Variants in LRP1B observed in about 807,000 individuals in gnomAD.
LRP1B encodes low-density lipoprotein receptor-related protein 1B.
A neutral mutation model predicts 556.6 loss-of-function variants in LRP1B; 217 were observed. The observed-to-expected ratio is 0.39, with a 90% CI of 0.35 to 0.44. The LOEUF (loss-of-function observed/expected upper bound fraction) is 0.44, where lower values mean the gene tolerates loss of function less well. Among genes scored for constraint, LRP1B ranks in the 20% least tolerant of loss-of-function variants. The pLI is 1.00. For synonymous variants in LRP1B, 2,047 were observed against 1,865.8 expected, an observed-to-expected ratio of 1.10 and a Z score of -2.50; for missense variants, 5,053 against 5,620.8, an observed-to-expected ratio of 0.90 and a Z score of 3.23.
chr2:141,291,453 A>G (rs16845754), intron 3 of LRP1B, among the ~76,000 whole-genome samples: 4,698 of 152,126 alleles, frequency 0.031, 275 homozygotes, highest in African/African-American at 0.11. Context: ...AATGTTCTCT[A>G]GCTTTTGTAA....
At chr2:142,002,535 A>G (rs570511364) in intron 1 of LRP1B, among the ~76,000 whole-genome samples, 4 of 151,192 alleles carry the variant, frequency 2.6e-5, no homozygotes, top group South Asian at 4.2e-4. Context: ...TCTATCTAGT[A>G]TGGGAGATTT....
intron 2 of LRP1B, among the ~76,000 whole-genome samples, chr2:141,706,269 T>C (rs1407887442): frequency 6.6e-6 from 1 of 152,104 alleles, no homozygotes; most frequent in Admixed American, 6.6e-5. Flanking sequence ...GCTCATGCTG[T>C]GCCTTTTGAT....
intron 27 of LRP1B, among the ~76,000 whole-genome samples, chr2:140,862,246 G>A (rs994326106): frequency 3.3e-5 from 5 of 152,046 alleles, no homozygotes; most frequent in African/African-American, 1.2e-4. Flanking sequence ...TGGCCGGTGA[G>A]CAACTTGTTT....
Position 140,500,696 on chromosome 2 carries a change from C to G in LRP1B, c.8850+991G>C, listed in dbSNP as rs145577141. ...ATACAGCTAGCAAATCGTCTTTGCT[C>G]TAAGCAAAACTTCTTCTGAAGATGT... On this transcript the variant is annotated intron_variant, in intron 55 of 90. Transcript: ENST00000389484. Among the ~76,000 whole-genome samples the G allele has an allele frequency of 1.5e-3, 228 of 152,104 alleles. 1 individual carries two copies. The East Asian group carries it at 0.015, about 10-fold the overall frequency.
rs564405883 is a variant in LRP1B, at chr2:140,233,066, C to T, written c.*120G>A. On this transcript the variant is annotated 3_prime_UTR_variant, in exon 91 of 91. Coordinates refer to ENST00000389484, the MANE Select transcript of LRP1B (RefSeq NM_018557.3). ...CCCAAAAAACTCAGAAAACAATTAA[C>T]CAGGAAAAAGATAAAGAAAGAGGTA... 4 of 598,254 alleles carry T rather than the reference C, an allele frequency of 6.7e-6. No individual in the cohort carries two copies. Among genetic ancestry groups the T allele is most frequent in the South Asian group, 4.8e-5 (1 of 20,944 alleles). 37.1% of individuals were successfully genotyped at this position (598,254 alleles called of 1,614,324 possible).
intron 2 of LRP1B, among the ~76,000 whole-genome samples, chr2:141,802,031 G>T (rs1321533639): frequency 6.6e-6 from 1 of 152,058 alleles, no homozygotes. Flanking sequence ...AATCTACAAG[G>T]TTGGTTTCCT....
intron 29 of LRP1B, among the ~76,000 whole-genome samples, chr2:140,849,046 G>T (rs1167362584): frequency 3.3e-5 from 5 of 151,842 alleles, no homozygotes; most frequent in Non-Finnish European, 7.4e-5. Flanking sequence ...GCAAAGGGAA[G>T]TTGCTTATAA....
intron 4 of LRP1B, among the ~76,000 whole-genome samples, chr2:141,251,413 AAAG>A (rs1452707562): frequency 6.6e-6 from 1 of 152,146 alleles, no homozygotes; most frequent in East Asian, 1.9e-4. Flanking sequence ...TGTGGATAAT[AAAG>A]GAGGAGGGGA....
chr2:141,997,078 T>G (rs1226705220), intron 1 of LRP1B, among the ~76,000 whole-genome samples: 2 of 152,222 alleles, frequency 1.3e-5, no homozygotes, highest in Middle Eastern at 3.4e-3. Flanking sequence ...CCAAGTGGGC[T>G]TAGAAAACTG....
intron 63 of LRP1B, among the ~76,000 whole-genome samples, chr2:140,447,725 A>G (rs554017912): frequency 1.6e-3 from 239 of 152,284 alleles, no homozygotes; most frequent in African/African-American, 5.5e-3. Context: ...CTTTTGGTAT[A>G]TCTTGTGTTT....
At chr2:141,454,746 G>A (rs1270477721) in intron 3 of LRP1B, among the ~76,000 whole-genome samples, 1 of 152,086 alleles carries the variant, frequency 6.6e-6, no homozygotes, top group African/African-American at 2.4e-5. Flanking sequence ...ACTTTTCCTA[G>A]TTTGAGTTTG....
At chr2:140,857,743 TA>T (rs1692662439) in intron 27 of LRP1B, among the ~76,000 whole-genome samples, 2 of 152,230 alleles carry the variant, frequency 1.3e-5, no homozygotes, top group African/African-American at 4.8e-5. Context: ...AGAGAGTTTT[TA>T]AAAACCACAA....
intron 35 of LRP1B, among the ~76,000 whole-genome samples, chr2:140,743,965 C>CA (rs780716758): frequency 0.29 from 736 of 2,566 alleles, 119 homozygotes; most frequent in Admixed American, 0.43. Context: ...GACTTGGTCT[C>CA]AAAAAAAAAA....
In LRP1B at chr2:140,297,916, T is replaced by C. The variant is rs376156732; in HGVS notation, c.12859A>G (p.Thr4287Ala). 5.9e-5 allele frequency: 96 copies of C among 1,613,788 alleles called. No individual in the cohort carries two copies. The highest frequency in any genetic ancestry group is 7.9e-5 in the Non-Finnish European group (93 of 1,179,832). Residue 4287 changes from threonine (T) to alanine (A), a missense_variant, in exon 84 of 91, where the codon ACA (threonine) becomes GCA (alanine). By Grantham distance (58) the Thr-to-Ala change is moderately conservative (BLOSUM62 0). Around this residue, in one of 5 missense-constraint regions of LRP1B, gnomAD observed 551 missense variants for 592.0 expected, o/e 0.93. Coordinates refer to ENST00000389484, the MANE Select transcript of LRP1B (RefSeq NM_018557.3). ...LGFTGPNCGK[T>A]VCEDFCQNGG... ...TTTTGACAAAAATCCTCACAGACTG[T>C]CTTACCACAGTTTGGCCCAGTGAAA... is the stretch of plus-strand genomic sequence containing the variant.
intron 3 of LRP1B, among the ~76,000 whole-genome samples, chr2:141,267,745 T>C (rs1328706999): frequency 6.6e-6 from 1 of 152,158 alleles, no homozygotes; most frequent in Admixed American, 6.5e-5. Flanking sequence ...AATTTCTCTG[T>C]GCCTTGAGGT....
intron 1 of LRP1B, among the ~76,000 whole-genome samples, chr2:141,860,328 T>C (rs1698196396): frequency 6.6e-6 from 1 of 152,214 alleles, no homozygotes; most frequent in South Asian, 2.1e-4. Context: ...TATATTTGGT[T>C]CATGCCAAAT....
At chr2:141,409,708 G>T (rs1690778947) in intron 3 of LRP1B, among the ~76,000 whole-genome samples, 1 of 151,710 alleles carries the variant, frequency 6.6e-6, no homozygotes, top group Non-Finnish European at 1.5e-5. Context: ...ACAAATAAAT[G>T]AATAAAATAA....
At chr2:140,844,966 T>C (rs1308806422) in intron 29 of LRP1B, among the ~76,000 whole-genome samples, 5 of 152,120 alleles carry the variant, frequency 3.3e-5, no homozygotes, top group African/African-American at 9.7e-5. Flanking sequence ...AAGGGTTCAA[T>C]CCTTAAACTT....
At chr2:140,405,995 G>A (rs1445019527) in intron 66 of LRP1B, among the ~76,000 whole-genome samples, 1 of 152,096 alleles carries the variant, frequency 6.6e-6, no homozygotes, top group Non-Finnish European at 1.5e-5. Flanking sequence ...AATACATCAT[G>A]AGCAAGTGTG....
Sources: gnomAD v4.1 joint callset for allele counts (sites outside exome capture counted in the v4.1 genomes callset) on GRCh38, gnomAD v4.1.1 for gene constraint, gnomAD v4.1.1 regional missense constraint, MANE v1.5 for transcripts, NCBI Gene and HGNC (gene_info 2026-07-23, HGNC 2026-07-21) for gene names.